UPP2: variants seen among roughly 807,000 people sequenced by gnomAD.
The protein encoded by UPP2 is uridine phosphorylase 2, also known as UPase 2.
UPP2 carries 23 observed loss-of-function variants against 26.7 expected under a neutral mutation model. The observed-to-expected ratio is 0.86, with a 90% CI of 0.62 to 1.22. The LOEUF (loss-of-function observed/expected upper bound fraction) is 1.22, where lower values mean the gene tolerates loss of function less well. UPP2 is among the 50% of genes most tolerant of loss of function. The probability of loss-of-function intolerance (pLI) is 0.00; values close to 1 mark genes in which losing one functional copy is unlikely to be tolerated. For missense variants in UPP2, 387 were observed against 396.7 expected (o/e 0.98, Z 0.21); for synonymous variants, 127 against 141.3 (o/e 0.90, Z 0.72).
chr2:158,129,176 G>T (rs1216948806), intron 6 of UPP2, among the ~76,000 whole-genome samples: 1 of 151,878 alleles, frequency 6.6e-6, no homozygotes, highest in African/African-American at 2.4e-5. Flanking sequence ...CCTGTCTGTG[G>T]TTGTCATTAT....
chr2:158,103,855 A>G lies in UPP2; in HGVS notation c.62+1730A>G, dbSNP rs558604773. The stretch of plus-strand genomic sequence containing the variant: ...ACTGTATAACAAGGGACTAGGGATA[A>G]ATTCTTGCCTCACAAGAGAAGAAAG... On this transcript the variant is annotated intron_variant, in intron 1 of 6. Transcript: ENST00000005756. 3.3e-5 allele frequency among the ~76,000 whole-genome samples: 5 copies of G among 152,308 alleles called. No homozygotes were observed. In the South Asian group the frequency reaches 8.3e-4, roughly 25 times the overall value.
intron 3 of UPP2, among the ~76,000 whole-genome samples, chr2:158,038,269 T>C (rs1419241789): frequency 1.3e-5 from 2 of 152,206 alleles, no homozygotes; most frequent in Non-Finnish European, 1.5e-5. Flanking sequence ...CTTTCATACA[T>C]GGAGAAACAG....
At chr2:158,008,590 A>G (rs910660600) in intron 2 of UPP2, among the ~76,000 whole-genome samples, 3 of 152,200 alleles carry the variant, frequency 2.0e-5, no homozygotes, top group African/African-American at 7.2e-5. Flanking sequence ...GACTTTCTAA[A>G]GCACTTGACT....
intron 3 of UPP2, among the ~76,000 whole-genome samples, chr2:158,043,153 G>A (rs1684104019): frequency 6.6e-6 from 1 of 152,190 alleles, no homozygotes; most frequent in Non-Finnish European, 1.5e-5. Context: ...CACTGGGGCA[G>A]CTGGTTTCCC....
chr2:158,056,190 G>T (rs897871005), intron 3 of UPP2, among the ~76,000 whole-genome samples: 4 of 151,874 alleles, frequency 2.6e-5, no homozygotes, highest in Admixed American at 2.0e-4. Flanking sequence ...TAAGAAAAAG[G>T]TTCTTTTAAA....
chr2:158,115,388 T>A (rs1168169672), intron 3 of UPP2, 129 bp downstream of exon 3: 2 of 1,187,590 alleles, frequency 1.7e-6, no homozygotes, highest in Non-Finnish European at 1.1e-6. Flanking sequence ...TGTCCAGGTA[T>A]GAGTTCATTA....
chr2:158,032,987 C>T (rs552535655), intron 3 of UPP2, among the ~76,000 whole-genome samples: 1 of 152,084 alleles, frequency 6.6e-6, no homozygotes, highest in Non-Finnish European at 1.5e-5. Context: ...TACATTCCTT[C>T]TGGTATTTAC....
At chr2:158,024,452 C>G (rs1683804122) in intron 3 of UPP2, among the ~76,000 whole-genome samples, 2 of 152,110 alleles carry the variant, frequency 1.3e-5, no homozygotes, top group Admixed American at 6.5e-5. Flanking sequence ...GGCCCCAACG[C>G]CTGGGAAAAA....
intron 5 of UPP2, 96 bp from the exon 6 acceptor site, chr2:158,123,653 A>G (rs1683624870): frequency 7.1e-7 from 1 of 1,413,736 alleles, no homozygotes; most frequent in African/African-American, 1.4e-5. Context: ...AGAGTTAGAC[A>G]GCGGCAGCGT....
At chr2:158,037,036 C>G (rs1684012757) in intron 3 of UPP2, among the ~76,000 whole-genome samples, 1 of 152,132 alleles carries the variant, frequency 6.6e-6, no homozygotes, top group Admixed American at 6.5e-5. Flanking sequence ...TCATTCCTAT[C>G]TCAGAGGGCT....
chr2:158,009,675 G>A (rs999603609), intron 2 of UPP2, among the ~76,000 whole-genome samples: 3 of 152,196 alleles, frequency 2.0e-5, no homozygotes, highest in Admixed American at 6.5e-5. Context: ...TTGAGTTAGC[G>A]CAACGCAGAC....
At chr2:158,036,434 G>A (rs150618599) in intron 3 of UPP2, among the ~76,000 whole-genome samples, 4 of 152,202 alleles carry the variant, frequency 2.6e-5, no homozygotes, top group African/African-American at 9.6e-5. Flanking sequence ...TCTTGTAATT[G>A]ACCTCAATAC....
intron 1 of UPP2, among the ~76,000 whole-genome samples, chr2:158,105,415 C>T (rs2105214043): frequency 6.6e-6 from 1 of 152,196 alleles, no homozygotes; most frequent in East Asian, 1.9e-4. Context: ...TGGTGGAGTC[C>T]TCAATGGCAG....
At chr2:158,037,801 T>C (rs1402690760) in intron 3 of UPP2, among the ~76,000 whole-genome samples, 1 of 149,308 alleles carries the variant, frequency 6.7e-6, no homozygotes, top group Non-Finnish European at 1.5e-5. Flanking sequence ...TCCAAATAAG[T>C]TCAATTCTGA....
chr2:158,008,223 G>A (rs943369876), intron 2 of UPP2, among the ~76,000 whole-genome samples: 1 of 152,134 alleles, frequency 6.6e-6, no homozygotes, highest in Non-Finnish European at 1.5e-5. Context: ...ATGAAACTTT[G>A]CCAGAGTGTC....
At chr2:158,133,199 GAAATT>G (rs1488004916) in intron 6 of UPP2, among the ~76,000 whole-genome samples, 1 of 152,172 alleles carries the variant, frequency 6.6e-6, no homozygotes, top group Non-Finnish European at 1.5e-5. Context: ...TAAAAAGAAG[GAAATT>G]CTCTCATTTG....
At chr2:158,080,924 C>A (rs943037685) in intron 3 of UPP2, among the ~76,000 whole-genome samples, 2 of 152,110 alleles carry the variant, frequency 1.3e-5, no homozygotes, top group Non-Finnish European at 2.9e-5. Flanking sequence ...TGTTAGAAAA[C>A]CACGTTGCAG....
intron 3 of UPP2, among the ~76,000 whole-genome samples, chr2:158,086,238 T>C (rs1049321824): frequency 8.6e-5 from 13 of 151,914 alleles, no homozygotes; most frequent in Non-Finnish European, 1.8e-4. Context: ...GAGGGTTATA[T>C]ATTTCTAGTT....
intron 4 of UPP2, among the ~76,000 whole-genome samples, chr2:158,119,904 T>C (rs1446855172): frequency 6.6e-6 from 1 of 151,346 alleles, no homozygotes; most frequent in Non-Finnish European, 1.5e-5. Context: ...CTAGCTATTC[T>C]GGAGGCTGAG....
Sources: allele counts gnomAD v4.1 joint callset (sites outside exome capture counted in the v4.1 genomes callset), GRCh38; gene constraint gnomAD v4.1.1; transcripts MANE v1.5; gene names NCBI Gene and HGNC (gene_info 2026-07-23, HGNC 2026-07-21).